SGMS2: variants seen among roughly 807,000 people sequenced by gnomAD.
The protein encoded by SGMS2 is phosphatidylcholine:ceramide cholinephosphotransferase 2.
In SGMS2, 21 loss-of-function variants were observed where a neutral mutation model predicts 43.8. That is an observed-to-expected ratio of 0.48 (90% CI 0.34 to 0.69). The LOEUF (loss-of-function observed/expected upper bound fraction) is 0.69, where lower values mean the gene tolerates loss of function less well. Ranked by LOEUF, SGMS2 falls within the 30% of genes least tolerant of loss-of-function variation. The pLI is 0.01. For missense variants in SGMS2, 384 were observed against 443.2 expected, an observed-to-expected ratio of 0.87 and a Z score of 1.20; for synonymous variants, 167 against 160.6, an observed-to-expected ratio of 1.04 and a Z score of -0.30.
intron 1 of SGMS2, among the ~76,000 whole-genome samples, chr4:107,857,194 G>A (rs931927939): frequency 2.6e-5 from 4 of 152,262 alleles, no homozygotes; most frequent in Admixed American, 2.6e-4. Context: ...GTGTATCACT[G>A]CCTTATTCCT....
intron 1 of SGMS2, among the ~76,000 whole-genome samples, chr4:107,838,444 CT>C (rs1432963564): frequency 1.3e-5 from 2 of 151,214 alleles, no homozygotes; most frequent in African/African-American, 2.5e-5. Context: ...TCTTCTTCTT[CT>C]TTTTTTGAAG....
At chr4:107,884,670 C>G (rs1387802854) in intron 2 of SGMS2, among the ~76,000 whole-genome samples, 1 of 152,110 alleles carries the variant, frequency 6.6e-6, no homozygotes, top group Non-Finnish European at 1.5e-5. Context: ...AATCAGAAAC[C>G]CAAAAGAATG....
At chr4:107,867,233 G>A (rs1269350399) in intron 2 of SGMS2, 1 of 152,102 alleles carries the variant, frequency 6.6e-6, no homozygotes, top group Non-Finnish European at 1.5e-5. Flanking sequence ...TCCAAATATG[G>A]TCTAGTTCTT....
Position 107,895,877 on chromosome 4 carries a change from G to T in SGMS2, c.324G>T (p.Glu108Asp). ...TVVHERVPPK[E>D]LSPPLPDKFF... is the part of the protein sequence containing the mutation. ...TACATGAGAGGGTCCCTCCCAAGGA[G>T]CTTAGCCCTCCACTCCCAGACAAGT... The change falls in exon 3 of 7, where the codon GAG becomes GAT. Residue 108 changes from glutamate (E) to aspartate (D), a missense_variant. Physicochemically the swap from Glu to Asp is conservative, Grantham distance 45 (BLOSUM62 2). Coordinates refer to ENST00000690982, the MANE Select transcript of SGMS2 (RefSeq NM_001375905.1). The T allele has an allele frequency of 6.2e-7, 1 of 1,613,924 alleles. No individual in the cohort carries two copies. Among genetic ancestry groups the T allele is most frequent in the East Asian group, 2.2e-5 (1 of 44,862 alleles).
intron 2 of SGMS2, among the ~76,000 whole-genome samples, chr4:107,887,760 C>T (rs1259539406): frequency 6.6e-6 from 1 of 152,090 alleles, no homozygotes; most frequent in African/African-American, 2.4e-5. Flanking sequence ...AAAGGCAAAA[C>T]CTTCATTCTT....
chr4:107,839,331 C>T (rs1232552453), intron 1 of SGMS2, among the ~76,000 whole-genome samples: 1 of 152,092 alleles, frequency 6.6e-6, no homozygotes, highest in Admixed American at 6.5e-5. Flanking sequence ...CTTCCCCCTG[C>T]TCCACCCCAA....
chr4:107,899,283 G>A (rs188029548), intron 3 of SGMS2, among the ~76,000 whole-genome samples: 3 of 152,176 alleles, frequency 2.0e-5, no homozygotes, highest in African/African-American at 4.8e-5. Context: ...TAGACTCTTC[G>A]TCTACTTTAG....
rs73838267 is a variant in SGMS2 at position 107,896,431 on chromosome 4, T to C, written c.455+423T>C. On this transcript the variant is annotated intron_variant, in intron 3 of 6. Transcript: ENST00000690982. ...ACTTTTTTCTCCATTACTCATAATG[T>C]GATGTCTGTATTGGTCTAGAGTCAA... 6.7e-3 allele frequency among the ~76,000 whole-genome samples: 1,017 copies of C among 152,302 alleles called. 14 individuals are homozygous for C. Among genetic ancestry groups the C allele is most frequent in the African/African-American group, 0.024 (981 of 41,566 alleles).
At chr4:107,869,793 A>C (rs983162066) in intron 2 of SGMS2, among the ~76,000 whole-genome samples, 1 of 152,192 alleles carries the variant, frequency 6.6e-6, no homozygotes, top group Non-Finnish European at 1.5e-5. Flanking sequence ...TGTTATGGCT[A>C]ATGGGGTTCA....
Position 107,912,149 on chromosome 4 carries a change from C to T in SGMS2, c.*1596C>T, listed in dbSNP as rs955917330. On this transcript the variant is annotated 3_prime_UTR_variant, in exon 7 of 7. Coordinates refer to ENST00000690982, the MANE Select transcript of SGMS2 (RefSeq NM_001375905.1). Reference sequence around the variant, plus strand: ...TGCTTGAGAAAAACACAATGCAAATCGTTCAGAAGGGTCAACATCCTTTGG... The same window carrying T: ...TGCTTGAGAAAAACACAATGCAAATTGTTCAGAAGGGTCAACATCCTTTGG... 5 of 152,050 alleles carry T rather than the reference C, an allele frequency of 3.3e-5. No homozygotes were observed. Among genetic ancestry groups the T allele is most frequent in the African/African-American group, 1.2e-4 (5 of 41,400 alleles). 9.4% of individuals were successfully genotyped at this position (152,050 alleles called of 1,614,324 possible).
At chr4:107,844,755 G>A (rs914760090) in intron 1 of SGMS2, among the ~76,000 whole-genome samples, 1 of 152,086 alleles carries the variant, frequency 6.6e-6, no homozygotes, top group African/African-American at 2.4e-5. Flanking sequence ...ATTCTAAAAT[G>A]AACCAATTTT....
chr4:107,886,908 A>G (rs1326095179), intron 2 of SGMS2: 1 of 152,212 alleles, frequency 6.6e-6, no homozygotes, highest in Non-Finnish European at 1.5e-5. Flanking sequence ...ATAGTTGCCA[A>G]TAGTTTCCAA....
intron 2 of SGMS2, among the ~76,000 whole-genome samples, chr4:107,890,947 T>TG (rs1730154801): frequency 6.6e-6 from 1 of 152,002 alleles, no homozygotes; most frequent in Non-Finnish European, 1.5e-5. Flanking sequence ...CAGGCTGTCA[T>TG]GGTGGGAAAA....
chr4:107,837,512 A>G (rs1726254744), intron 1 of SGMS2, among the ~76,000 whole-genome samples: 1 of 152,172 alleles, frequency 6.6e-6, no homozygotes, highest in African/African-American at 2.4e-5. Context: ...AGAAGTAGGC[A>G]AGAGATGGGT....
At chr4:107,908,754 G>A in intron 6 of SGMS2, 23 bp downstream of exon 6, 2 of 1,600,676 alleles carry the variant, frequency 1.2e-6, no homozygotes, top group Non-Finnish European at 1.7e-6. Context: ...AAGATGCTTG[G>A]ATAATTTCTT....
At chr4:107,828,696 A>G (rs559987401) in intron 1 of SGMS2, among the ~76,000 whole-genome samples, 13 of 152,346 alleles carry the variant, frequency 8.5e-5, no homozygotes, top group Non-Finnish European at 1.3e-4. Context: ...AGTGAAACAT[A>G]ATGTTTAATT....
chr4:107,827,131 G>A (rs1330804267), intron 1 of SGMS2, among the ~76,000 whole-genome samples: 2 of 152,200 alleles, frequency 1.3e-5, no homozygotes, highest in Non-Finnish European at 2.9e-5. Context: ...GCTTTGAGGT[G>A]AGATGTTTCT....
At chr4:107,905,481 T>C (rs1731477361) in intron 5 of SGMS2, among the ~76,000 whole-genome samples, 1 of 152,198 alleles carries the variant, frequency 6.6e-6, no homozygotes, top group Admixed American at 6.5e-5. Context: ...CATAATACTC[T>C]GTCCCAGGCA....
intron 1 of SGMS2, among the ~76,000 whole-genome samples, chr4:107,828,131 A>G (rs1339983210): frequency 1.3e-5 from 2 of 152,208 alleles, no homozygotes; most frequent in Non-Finnish European, 2.9e-5. Flanking sequence ...ATGGAAATTT[A>G]TAAGTATAGG....
Sources: gnomAD v4.1 joint callset for allele counts (sites outside exome capture counted in the v4.1 genomes callset) on GRCh38, gnomAD v4.1.1 for gene constraint, MANE v1.5 for transcripts, NCBI Gene and HGNC (gene_info 2026-07-23, HGNC 2026-07-21) for gene names.